The following ST7L variants were observed in gnomAD, a reference collection of about 807,000 sequenced individuals.
The protein encoded by ST7L is suppression of tumorigenicity 7 like, also known as suppressor of tumorigenicity 7 protein-like.
Under a neutral mutation model 72.5 loss-of-function variants are expected in ST7L, and 57 were observed. That is an observed-to-expected ratio of 0.79 (90% CI 0.64 to 0.98). The LOEUF (loss-of-function observed/expected upper bound fraction) is 0.98, where lower values mean the gene tolerates loss of function less well. ST7L is among the 50% of genes least tolerant of loss of function. ST7L has a pLI of 0.00. For synonymous variants in ST7L, 221 were observed against 240.9 expected (o/e 0.92, Z 0.77); for missense variants, 576 against 672.2 (o/e 0.86, Z 1.58).
chr1:112,545,350 A>C (rs1350528926), intron 13 of ST7L, among the ~76,000 whole-genome samples: 4 of 152,200 alleles, frequency 2.6e-5, no homozygotes, highest in African/African-American at 9.6e-5. Flanking sequence ...TCATATTACT[A>C]TGTAAAATTG....
chr1:112,601,300 C>G (rs1667348379), intron 3 of ST7L, among the ~76,000 whole-genome samples: 1 of 152,110 alleles, frequency 6.6e-6, no homozygotes, highest in African/African-American at 2.4e-5. Flanking sequence ...GGCTGGAGTA[C>G]AGTGGCGCAA....
chr1:112,577,223 A>C (rs1052911335), intron 10 of ST7L, 135 bp from the exon 11 acceptor site: 8 of 173,420 alleles, frequency 4.6e-5, no homozygotes, highest in Admixed American at 1.4e-4. Flanking sequence ...GAGGACTAAC[A>C]AAAAAAAAAA....
chr1:112,602,147 T>C (rs1667521447), intron 3 of ST7L, among the ~76,000 whole-genome samples: 1 of 151,312 alleles, frequency 6.6e-6, no homozygotes, highest in Non-Finnish European at 1.5e-5. Context: ...TGAAGGACCG[T>C]TATGTACTAC....
chr1:112,534,392 C>T (rs1654856384), intron 14 of ST7L, among the ~76,000 whole-genome samples: 1 of 152,144 alleles, frequency 6.6e-6, no homozygotes, highest in Non-Finnish European at 1.5e-5. Context: ...TTTGATGACT[C>T]AAACTTTACA....
At chr1:112,590,944 T>G (rs2101948173) in intron 6 of ST7L, among the ~76,000 whole-genome samples, 1 of 150,860 alleles carries the variant, frequency 6.6e-6, no homozygotes, top group African/African-American at 2.4e-5. Context: ...TTTTTTTTTT[T>G]TTTTGAGACA....
chr1:112,582,561 T>G, intron 7 of ST7L, 89 bp from the exon 8 acceptor site: 2 of 713,270 alleles, frequency 2.8e-6, no homozygotes, highest in Non-Finnish European at 2.3e-6. Flanking sequence ...TTTATTTGCT[T>G]CCCTTGGAAG....
chr1:112,532,873 C>G (rs944286237), intron 14 of ST7L, among the ~76,000 whole-genome samples: 4 of 152,116 alleles, frequency 2.6e-5, no homozygotes, highest in African/African-American at 2.4e-5. Context: ...GGAACACACC[C>G]AAGTTTCCTA....
chr1:112,537,771 G>A (rs989357970), intron 14 of ST7L, among the ~76,000 whole-genome samples: 2 of 152,110 alleles, frequency 1.3e-5, no homozygotes, highest in African/African-American at 4.8e-5. Context: ...TCATTGCTCT[G>A]TGTCTAATGT....
intron 5 of ST7L, among the ~76,000 whole-genome samples, chr1:112,596,463 T>C (rs1234242448): frequency 6.6e-6 from 1 of 152,306 alleles, no homozygotes; most frequent in Non-Finnish European, 1.5e-5. Context: ...TTTGCTTCGG[T>C]TTCTTTATTG....
chr1:112,616,903 A>T lies in ST7L; in HGVS notation c.206-8T>A. 1.3e-6 allele frequency: 2 copies of T among 1,589,690 alleles called. No individual in the cohort carries two copies. Among genetic ancestry groups the T allele is most frequent in the South Asian group, 2.3e-5 (2 of 86,434 alleles). On this transcript the variant is annotated splice_region_variant and splice_polypyrimidine_tract_variant and intron_variant, in intron 1 of 14. Transcript: ENST00000358039. ...AATTTAAAAATACAGTCACTGTCAA[A>T]AGAACAAGAATCAAAGTTTTAAAAA...
At chr1:112,535,960 A>G (rs144983281) in intron 14 of ST7L, among the ~76,000 whole-genome samples, 2 of 152,310 alleles carry the variant, frequency 1.3e-5, no homozygotes, top group African/African-American at 4.8e-5. Context: ...AAAATTGAAT[A>G]TGCGAGACTG....
chr1:112,542,747 CTAAATAAATAAATAAA>C lies in ST7L; in HGVS notation c.1490-673_1490-658del, dbSNP rs71081246. Among the ~76,000 whole-genome samples the C allele has an allele frequency of 2.8e-3, 396 of 142,924 alleles. 2 individuals carry two copies. Among genetic ancestry groups the C allele is most frequent in the African/African-American group, 8.7e-3 (332 of 38,368 alleles). The allele number at this position is 142,924 out of a possible 152,430, so 93.8% of individuals were successfully genotyped here. A position where few individuals can be genotyped will look rare whatever the true frequency, so the allele number is the denominator to read the frequency against. ...TCCAGCCTGGGTGACAGACCTGTCT[CTAAATAAATAAATAAA>C]TAAATAAATAAATAAATAAATAAAT... On this transcript the variant is annotated intron_variant, in intron 13 of 14. Coordinates refer to ENST00000358039, the MANE Select transcript of ST7L (RefSeq NM_017744.5).
At chr1:112,609,383 T>C (rs1258781737) in intron 3 of ST7L, among the ~76,000 whole-genome samples, 1 of 151,620 alleles carries the variant, frequency 6.6e-6, no homozygotes, top group Non-Finnish European at 1.5e-5. Context: ...ATACAAAAAT[T>C]AGCTGGGTGC....
At chr1:112,602,949 A>C (rs1368690510) in intron 3 of ST7L, among the ~76,000 whole-genome samples, 2 of 151,526 alleles carry the variant, frequency 1.3e-5, no homozygotes, top group Admixed American at 1.3e-4. Flanking sequence ...TGATCTGCTG[A>C]CCTCGTGATC....
chr1:112,580,992 G>A (rs1312846104), intron 9 of ST7L, among the ~76,000 whole-genome samples: 1 of 152,144 alleles, frequency 6.6e-6, no homozygotes, highest in Non-Finnish European at 1.5e-5. Context: ...AATGAACTAA[G>A]AAATCAAACA....
chr1:112,563,020 G>A (rs1371213583), intron 11 of ST7L, among the ~76,000 whole-genome samples: 1 of 152,032 alleles, frequency 6.6e-6, no homozygotes, highest in Non-Finnish European at 1.5e-5. Flanking sequence ...GTAGAATTGG[G>A]AGGGAGAGAA....
At chr1:112,593,050 T>C (rs1312483361) in intron 5 of ST7L, among the ~76,000 whole-genome samples, 1 of 152,230 alleles carries the variant, frequency 6.6e-6, no homozygotes. Context: ...CAGTCTTTGC[T>C]AATTTAACAC....
At chr1:112,518,173 T>C in the ST7L span, 1 of 152,246 alleles carries the variant, frequency 6.6e-6, no homozygotes, top group African/African-American at 2.4e-5. Flanking sequence ...GTGGGATTCT[T>C]GGAGGTGCTG....
At chr1:112,563,056 C>A in intron 11 of ST7L, among the ~76,000 whole-genome samples, 1 of 151,514 alleles carries the variant, frequency 6.6e-6, no homozygotes, top group African/African-American at 2.4e-5. Flanking sequence ...TTGTAAAAGT[C>A]TGAAGAGTCT....
Sources: gnomAD v4.1 joint callset for allele counts (sites outside exome capture counted in the v4.1 genomes callset) on GRCh38, gnomAD v4.1.1 for gene constraint, MANE v1.5 for transcripts, NCBI Gene and HGNC (gene_info 2026-07-23, HGNC 2026-07-21) for gene names.